The following AFAP1 variants were observed in gnomAD, a reference collection of about 807,000 sequenced individuals.
AFAP1 encodes actin filament-associated protein 1.
AFAP1 carries 75 observed loss-of-function variants against 93.9 expected under a neutral mutation model. The ratio of observed to expected loss-of-function variants is 0.80; its 90% confidence interval spans 0.66 to 0.97. The LOEUF is 0.97. AFAP1 is among the 50% of genes least tolerant of loss of function. AFAP1 has a pLI of 0.00. For missense variants in AFAP1, 1,201 were observed against 1,050.8 expected, an observed-to-expected ratio of 1.14 and a Z score of -1.98; for synonymous variants, 517 against 430.7, an observed-to-expected ratio of 1.20 and a Z score of -2.48.
intron 1 of AFAP1, among the ~76,000 whole-genome samples, chr4:7,902,804 G>A (rs967852285): frequency 2.6e-5 from 4 of 152,086 alleles, no homozygotes; most frequent in Non-Finnish European, 5.9e-5. Context: ...GGACTCTACC[G>A]CAGTGGCCTG....
At chr4:7,883,104 G>A (rs976383197) in intron 1 of AFAP1, among the ~76,000 whole-genome samples, 1 of 147,856 alleles carries the variant, frequency 6.8e-6, no homozygotes, top group African/African-American at 2.5e-5. Flanking sequence ...AGGATCACCT[G>A]AGCCCAGGGA....
chr4:7,847,206 A>G (rs1219833872), intron 4 of AFAP1, among the ~76,000 whole-genome samples: 1 of 152,238 alleles, frequency 6.6e-6, no homozygotes, highest in African/African-American at 2.4e-5. Context: ...TGTCCCAATC[A>G]AGAGAACTCT....
chr4:7,806,155 C>T (rs964830976), intron 9 of AFAP1, among the ~76,000 whole-genome samples: 4 of 152,194 alleles, frequency 2.6e-5, no homozygotes, highest in Admixed American at 6.5e-5. Context: ...ATATTATCTA[C>T]GCGGCTGTGT....
Position 7,797,474 on chromosome 4 carries a change from A to C in AFAP1, c.1266+2968T>G, listed in dbSNP as rs1221741570. Among the ~76,000 whole-genome samples, 14 of 152,342 alleles carry C rather than the reference A, an allele frequency of 9.2e-5. No homozygotes were observed. The South Asian group carries it at 1.0e-3, about 11-fold the overall frequency. On this transcript the variant is annotated intron_variant, in intron 10 of 17. Coordinates refer to ENST00000420658, the MANE Select transcript of AFAP1 (RefSeq NM_001134647.2). The stretch of plus-strand genomic sequence containing the variant: ...CAGCATGAAACATGCCGCCACCTCC[A>C]TGGGCTCCCGCTATAATTCTCTGCT...
At chr4:7,797,989 C>T (rs980046404) in intron 10 of AFAP1, among the ~76,000 whole-genome samples, 1 of 152,182 alleles carries the variant, frequency 6.6e-6, no homozygotes, top group Non-Finnish European at 1.5e-5. Context: ...AGGCATCCTT[C>T]GTGCTATCCT....
Position 7,773,165 on chromosome 4 carries a change from C to A in AFAP1, c.2063-155G>T, listed in dbSNP as rs899030518. On this transcript the variant is annotated intron_variant, in intron 15 of 17. Transcript: ENST00000420658. ...GTTGTGAAACTTAAATTCAGCAGTT[C>A]TCTAAGGGATCAGAGTCCTTCTCCT... 45 of 1,193,964 alleles carry A rather than the reference C, an allele frequency of 3.8e-5. No individual in the cohort carries two copies. In the African/African-American group the frequency reaches 6.3e-4, roughly 17 times the overall value. 74.0% of individuals were successfully genotyped at this position (1,193,964 alleles called of 1,614,324 possible).
At chr4:7,826,741 G>A (rs529684700) in intron 6 of AFAP1, among the ~76,000 whole-genome samples, 3 of 152,300 alleles carry the variant, frequency 2.0e-5, no homozygotes, top group South Asian at 2.1e-4. Context: ...CTGCAACAAC[G>A]TGCAGCCCCT....
intron 1 of AFAP1, among the ~76,000 whole-genome samples, chr4:7,892,953 C>G (rs1377572127): frequency 6.6e-6 from 1 of 152,182 alleles, no homozygotes; most frequent in African/African-American, 2.4e-5. Context: ...TCAAAACACA[C>G]AACCAGAAAA....
chr4:7,765,565 T>C (rs973628421), intron 17 of AFAP1, among the ~76,000 whole-genome samples: 12 of 152,234 alleles, frequency 7.9e-5, no homozygotes, highest in Admixed American at 1.3e-4. Context: ...GGCAGAAGCC[T>C]GGGCTACTCA....
intron 10 of AFAP1, among the ~76,000 whole-genome samples, chr4:7,799,997 A>G (rs933023670): frequency 6.6e-6 from 1 of 152,182 alleles, no homozygotes; most frequent in Non-Finnish European, 1.5e-5. Context: ...TTCCATCTGT[A>G]AAGAAGTCCA....
rs563632402 is a variant in AFAP1, at chr4:7,761,731, A to C, written c.*2034T>G. The stretch of plus-strand genomic sequence containing the variant: ...AGGCAGCAAAAATCTATGGAGGAGC[A>C]AACTTTTTTCCCTTTATAGAAAATT... On this transcript the variant is annotated 3_prime_UTR_variant, in exon 18 of 18. Coordinates refer to ENST00000420658, the MANE Select transcript of AFAP1 (RefSeq NM_001134647.2). The C allele has an allele frequency of 6.6e-6, 1 of 152,254 alleles. No individual in the cohort carries two copies. The highest frequency in any genetic ancestry group is 6.5e-5 in the Admixed American group (1 of 15,284). The allele number at this position is 152,254 out of a possible 1,614,324, so 9.4% of individuals were successfully genotyped here. A position where few individuals can be genotyped will look rare whatever the true frequency, so the allele number is the denominator to read the frequency against.
intron 1 of AFAP1, among the ~76,000 whole-genome samples, chr4:7,915,014 T>A (rs1410048159): frequency 6.6e-6 from 1 of 152,120 alleles, no homozygotes; most frequent in Non-Finnish European, 1.5e-5. Flanking sequence ...CTCCCAAAAG[T>A]GCTGGGATTA....
chr4:7,858,958 C>A (rs1217575773), intron 3 of AFAP1, among the ~76,000 whole-genome samples: 1 of 152,230 alleles, frequency 6.6e-6, no homozygotes, highest in African/African-American at 2.4e-5. Context: ...CTGGGCAGAG[C>A]AAGTCCCTCA....
chr4:7,798,357 A>G (rs1718676356), intron 10 of AFAP1, among the ~76,000 whole-genome samples: 1 of 126,830 alleles, frequency 7.9e-6, no homozygotes. Flanking sequence ...ACAGCACTGC[A>G]ACTCTATTGG....
At chr4:7,860,651 C>G (rs1168545077) in intron 3 of AFAP1, among the ~76,000 whole-genome samples, 1 of 152,174 alleles carries the variant, frequency 6.6e-6, no homozygotes, top group African/African-American at 2.4e-5. Flanking sequence ...AGAAGTCAGC[C>G]AGAGTGGGCA....
intron 6 of AFAP1, among the ~76,000 whole-genome samples, chr4:7,833,359 CAAA>C (rs1423991266): frequency 6.6e-6 from 1 of 152,066 alleles, no homozygotes; most frequent in Non-Finnish European, 1.5e-5. Flanking sequence ...AGACAATTCT[CAAA>C]AGAAGTTATA....
At chr4:7,816,213 T>C (rs961301816) in intron 7 of AFAP1, 114 bp from the exon 8 acceptor site, 2 of 860,544 alleles carry the variant, frequency 2.3e-6, no homozygotes, top group Middle Eastern at 2.4e-4. Context: ...GCCAAATTCA[T>C]AGCAATCCAG....
intron 6 of AFAP1, among the ~76,000 whole-genome samples, chr4:7,837,215 TA>T (rs971632756): frequency 6.6e-6 from 1 of 152,148 alleles, no homozygotes; most frequent in African/African-American, 2.4e-5. Context: ...CCAAAAAGAT[TA>T]GAGACTCTAG....
At chr4:7,824,153 T>C (rs572892853) in intron 6 of AFAP1, among the ~76,000 whole-genome samples, 48 of 152,362 alleles carry the variant, frequency 3.2e-4, no homozygotes, top group Admixed American at 8.5e-4. Context: ...ATGAGGCTTC[T>C]ATTAATACAT....
Sources: gnomAD v4.1 joint callset for allele counts (sites outside exome capture counted in the v4.1 genomes callset) on GRCh38, gnomAD v4.1.1 for gene constraint, MANE v1.5 for transcripts, NCBI Gene and HGNC (gene_info 2026-07-23, HGNC 2026-07-21) for gene names.